The following RMDN1 variants were observed in gnomAD, a reference collection of about 807,000 sequenced individuals.
The protein encoded by RMDN1 is regulator of microtubule dynamics protein 1.
Under a neutral mutation model 48.9 loss-of-function variants are expected in RMDN1, and 48 were observed. That is an observed-to-expected ratio of 0.98 (90% confidence interval 0.78 to 1.25). The LOEUF is 1.25. Among genes scored for constraint, RMDN1 ranks in the 50% most tolerant of loss-of-function variants. The probability of loss-of-function intolerance (pLI) is 0.00; values close to 1 mark genes in which losing one functional copy is unlikely to be tolerated. For missense variants in RMDN1, 418 were observed against 373.4 expected (o/e 1.12, Z -0.98); for synonymous variants, 148 against 132.6 (o/e 1.12, Z -0.80).
downstream of RMDN1, among the ~76,000 whole-genome samples, chr8:86,470,778 G>T (rs1366384441): frequency 6.6e-6 from 1 of 152,024 alleles, no homozygotes; most frequent in Admixed American, 6.6e-5. Flanking sequence ...AGTATCACAG[G>T]GTCTCACTGT....
intron 2 of RMDN1, among the ~76,000 whole-genome samples, chr8:86,497,312 T>C (rs1349894866): frequency 1.3e-5 from 2 of 152,042 alleles, no homozygotes; most frequent in East Asian, 3.8e-4. Context: ...TGAACAAAAT[T>C]GAGATGTGAA....
chr8:86,498,219 G>A (rs1387353018), intron 2 of RMDN1, among the ~76,000 whole-genome samples: 1 of 151,566 alleles, frequency 6.6e-6, no homozygotes, highest in African/African-American at 2.4e-5. Context: ...TGAAATCCTT[G>A]TAATAGTCCA....
intron 8 of RMDN1, among the ~76,000 whole-genome samples, chr8:86,476,985 GCCA>G (rs1813485652): frequency 6.6e-6 from 1 of 152,140 alleles, no homozygotes; most frequent in Admixed American, 6.6e-5. Flanking sequence ...ACAAGTGTTA[GCCA>G]CCACATCTGG....
intron 2 of RMDN1, among the ~76,000 whole-genome samples, chr8:86,506,425 T>G (rs550735020): frequency 6.6e-6 from 1 of 152,294 alleles, no homozygotes; most frequent in Admixed American, 6.5e-5. Flanking sequence ...TGTGGTCCTA[T>G]GCCAAGTGCC....
At chr8:86,504,876 A>G (rs548970122) in intron 2 of RMDN1, 1 of 1,083,162 alleles carries the variant, frequency 9.2e-7, no homozygotes, top group African/African-American at 1.6e-5. Context: ...TATTTTTATT[A>G]TCTTCGCCAG....
chr8:86,508,726 C>CCTGCACAGCACCTCTTCCGCCTA (rs1819852948), upstream of RMDN1: 7 of 1,412,014 alleles, frequency 5.0e-6, no homozygotes, highest in East Asian at 1.9e-4. Context: ...CCGCCCGCCT[C>CCTGCACAGCACCTCTTCCGCCTA]CTGCACAGCA....
At chr8:86,491,579 T>C (rs1816504948) in intron 2 of RMDN1, among the ~76,000 whole-genome samples, 1 of 152,194 alleles carries the variant, frequency 6.6e-6, no homozygotes, top group Non-Finnish European at 1.5e-5. Flanking sequence ...TAAGTTACAT[T>C]ACTAACATAG....
intron 5 of RMDN1, among the ~76,000 whole-genome samples, chr8:86,481,533 G>C (rs1814429486): frequency 6.7e-6 from 1 of 149,978 alleles, no homozygotes; most frequent in South Asian, 2.1e-4. Flanking sequence ...ATGGATGCCT[G>C]GGGGGATCAG....
In RMDN1 at chr8:86,486,360, T is replaced by C. The variant is rs909153583; in HGVS notation, c.495+124A>G. The C allele has an allele frequency of 5.4e-6, 3 of 557,614 alleles. No individual in the cohort carries two copies. In the African/African-American group the frequency reaches 5.8e-5, roughly 11 times the overall value. The allele number at this position is 557,614 out of a possible 1,614,324, so 34.5% of individuals were successfully genotyped here. A position where few individuals can be genotyped will look rare whatever the true frequency, so the allele number is the denominator to read the frequency against. On this transcript the variant is annotated intron_variant, in intron 4 of 9. Coordinates refer to ENST00000406452, the MANE Select transcript of RMDN1 (RefSeq NM_016033.3). Reference sequence around the variant, plus strand: ...AGAAATTATCCTTAAGATATAAGATTGAATAAAAAGAAAAAAAAACTTAAA... The same window carrying C: ...AGAAATTATCCTTAAGATATAAGATCGAATAAAAAGAAAAAAAAACTTAAA...
rs1812859848 is a variant in RMDN1 at position 86,473,469 on chromosome 8, C to T, written c.*839G>A. 3.0e-6 allele frequency: 3 copies of T among 985,404 alleles called. No individual in the cohort carries two copies. The highest frequency in any genetic ancestry group is 3.5e-5 in the African/African-American group (2 of 57,354). The allele number at this position is 985,404 out of a possible 1,614,324, so 61.0% of individuals were successfully genotyped here. A position where few individuals can be genotyped will look rare whatever the true frequency, so the allele number is the denominator to read the frequency against. On this transcript the variant is annotated 3_prime_UTR_variant, in exon 10 of 10. Coordinates refer to ENST00000406452, the MANE Select transcript of RMDN1 (RefSeq NM_016033.3). ...TTCAGTTTACCATGAGACTACACCA[C>T]ATTTAAAGTAAACTGGCCAGGTGCG...
chr8:86,488,627 A>G lies in RMDN1; in HGVS notation c.260T>C (p.Leu87Pro), dbSNP rs1378281499. 6.2e-7 allele frequency: 1 copy of G among 1,607,902 alleles called. No homozygotes were observed. Among genetic ancestry groups the G allele is most frequent in the Non-Finnish European group, 8.5e-7 (1 of 1,177,030 alleles). Reference sequence around the variant, plus strand: ...TTCATACAGGTAGTCTGCTTGTTCAAGTATTTCTTCAACTTCAAAGATTAT... The same window carrying G: ...TTCATACAGGTAGTCTGCTTGTTCAGGTATTTCTTCAACTTCAAAGATTAT... ...VHATAKVEEI[L>P]EQADYLYESG... Residue 87 changes from leucine (L) to proline (P), a missense_variant, in exon 3 of 10, where the codon CTT becomes CCT. Leu to Pro is a moderately conservative substitution (Grantham distance 98). Transcript: ENST00000406452.
At position 86,506,925 on chromosome 8, in the gene RMDN1, T is replaced by G; in HGVS notation, c.247+70A>C. On this transcript the variant is annotated intron_variant, in intron 2 of 9. Coordinates refer to ENST00000406452, the MANE Select transcript of RMDN1 (RefSeq NM_016033.3). ...TTAACATTACCCTGATTCTTTGTTT[T>G]AAAATAAAAATTCTGAATGTACGCA... 3.8e-6 allele frequency: 3 copies of G among 788,276 alleles called. No homozygotes were observed. In the South Asian group the frequency reaches 4.8e-5, roughly 13 times the overall value. 48.8% of individuals were successfully genotyped at this position (788,276 alleles called of 1,614,324 possible). A position where few individuals can be genotyped will look rare whatever the true frequency, so the allele number is the denominator to read the frequency against.
At chr8:86,496,096 C>T (rs1294358053) in intron 2 of RMDN1, among the ~76,000 whole-genome samples, 2 of 152,112 alleles carry the variant, frequency 1.3e-5, no homozygotes, top group African/African-American at 2.4e-5. Flanking sequence ...TTCAGAAAAG[C>T]AAATGCTAAG....
At position 86,508,582 on chromosome 8, in the gene RMDN1, G is replaced by T; in HGVS notation, c.39C>A (p.Phe13Leu). ...LAARLWRLLP[F>L]RRGAAPGSRL... ...GAGACCCCGGGGCGGCTCCACGTCG[G>T]AAAGGCAGAAGGCGCCACAGTCGAG... is the stretch of plus-strand genomic sequence containing the variant. The change falls in exon 1 of 10, where the codon TTC becomes TTA. Residue 13 changes from phenylalanine to leucine, a missense_variant. Phe to Leu is a conservative substitution (Grantham distance 22). Coordinates refer to ENST00000406452, the MANE Select transcript of RMDN1 (RefSeq NM_016033.3). 8 of 1,604,620 alleles carry T rather than the reference G, an allele frequency of 5.0e-6. No individual in the cohort carries two copies. Among genetic ancestry groups the T allele is most frequent in the Non-Finnish European group, 6.8e-6 (8 of 1,177,006 alleles).
chr8:86,482,312 G>C (rs1586633296), intron 5 of RMDN1: 1 of 311,400 alleles, frequency 3.2e-6, no homozygotes, highest in Non-Finnish European at 6.1e-6. Context: ...TGAGGCAGGA[G>C]AATCACTTGA....
intron 5 of RMDN1, among the ~76,000 whole-genome samples, chr8:86,483,313 T>G (rs1814888424): frequency 6.6e-6 from 1 of 152,234 alleles, no homozygotes; most frequent in Non-Finnish European, 1.5e-5. Flanking sequence ...TATACATTTG[T>G]GTATTTTCTA....
At chr8:86,504,004 G>C in intron 2 of RMDN1, 1 of 778,398 alleles carries the variant, frequency 1.3e-6, no homozygotes, top group Admixed American at 1.7e-5. Context: ...CATGTACATT[G>C]GAGAGATCTC....
At chr8:86,471,781 A>ATAAG (rs1312600594), downstream of RMDN1, among the ~76,000 whole-genome samples, 5 of 152,230 alleles carry the variant, frequency 3.3e-5, no homozygotes, top group African/African-American at 1.2e-4. Flanking sequence ...AGTCCTGGAA[A>ATAAG]TAAGTTGGAA....
downstream of RMDN1, chr8:86,472,284 C>T (rs1812672130): frequency 2.1e-5 from 13 of 608,606 alleles, no homozygotes; most frequent in South Asian, 2.6e-4. Flanking sequence ...ACTTTCTGAG[C>T]ACCAAAATGA....
Sources: gnomAD v4.1 joint callset for allele counts (sites outside exome capture counted in the v4.1 genomes callset) on GRCh38, gnomAD v4.1.1 for gene constraint, MANE v1.5 for transcripts, NCBI Gene and HGNC (gene_info 2026-07-23, HGNC 2026-07-21) for gene names.